PPP1R12B: variants seen among roughly 807,000 people sequenced by gnomAD.
PPP1R12B encodes the protein protein phosphatase 1 regulatory subunit 12B.
A neutral mutation model predicts 126.1 loss-of-function variants in PPP1R12B; 76 were observed. The observed-to-expected ratio is 0.60, with a 90% CI of 0.50 to 0.73. The LOEUF is 0.73. Among genes scored for constraint, PPP1R12B ranks in the 30% least tolerant of loss-of-function variants. PPP1R12B has a pLI of 0.00. For synonymous variants in PPP1R12B, 356 were observed against 434.7 expected (o/e 0.82, Z 2.25); for missense variants, 1,052 against 1,205.1 (o/e 0.87, Z 1.88).
intron 18 of PPP1R12B, among the ~76,000 whole-genome samples, chr1:202,538,208 T>A (rs1684749171): frequency 6.6e-6 from 1 of 152,232 alleles, no homozygotes; most frequent in Non-Finnish European, 1.5e-5. Context: ...TTGGTCAGGC[T>A]GGTCTCAAAC....
At chr1:202,578,800 C>T (rs72748802) in intron 23 of PPP1R12B, among the ~76,000 whole-genome samples, 2 of 152,256 alleles carry the variant, frequency 1.3e-5, no homozygotes, top group Non-Finnish European at 2.9e-5. Flanking sequence ...TACGAAAGTA[C>T]AAAAATGGAA....
At chr1:202,453,980 A>G (rs1048027605) in intron 13 of PPP1R12B, among the ~76,000 whole-genome samples, 6 of 152,222 alleles carry the variant, frequency 3.9e-5, no homozygotes, top group Admixed American at 2.0e-4. Context: ...TTTAGATACT[A>G]TTAGTTTCAC....
At position 202,431,514 on chromosome 1, in the gene PPP1R12B, A is replaced by G. The variant is rs1670176589; in HGVS notation, c.1036A>G (p.Lys346Glu). 2 of 1,612,780 alleles carry G rather than the reference A, an allele frequency of 1.2e-6. No individual in the cohort carries two copies. Among genetic ancestry groups the G allele is most frequent in the Non-Finnish European group, 1.7e-6 (2 of 1,179,442 alleles). ...EKMLYEEETP[K>E]SQEMEEENKE... ...GATGCTCTATGAGGAGGAGACACCT[A>G]AGTCCCAAGAAATGGAGGAAGAAAA... Residue 346 changes from lysine (K) to glutamate (E), a missense_variant, in exon 8 of 24, where the codon AAG (lysine) becomes GAG (glutamate). Physicochemically the swap from Lys to Glu is moderately conservative, Grantham distance 56. Coordinates refer to ENST00000608999, the MANE Select transcript of PPP1R12B (RefSeq NM_002481.4).
intron 10 of PPP1R12B, chr1:202,438,812 C>A: frequency 8.4e-6 from 7 of 834,648 alleles, no homozygotes; most frequent in Non-Finnish European, 1.5e-5. Context: ...ATCTTAGTGT[C>A]TAACTCACGG....
At chr1:202,354,829 G>T (rs867132627) in intron 1 of PPP1R12B, among the ~76,000 whole-genome samples, 43 of 128,774 alleles carry the variant, frequency 3.3e-4, no homozygotes, top group South Asian at 1.1e-3. Flanking sequence ...TTTTTTTGTT[G>T]TTGTTTTTTT....
intron 23 of PPP1R12B, chr1:202,575,305 T>C: frequency 9.8e-7 from 1 of 1,017,750 alleles, no homozygotes; most frequent in Non-Finnish European, 1.4e-6. Flanking sequence ...ACTGAGATCA[T>C]AGAATGGGAC....
chr1:202,480,146 T>G (rs192699231), intron 13 of PPP1R12B, among the ~76,000 whole-genome samples: 2 of 152,228 alleles, frequency 1.3e-5, no homozygotes, highest in African/African-American at 4.8e-5. Flanking sequence ...AGGAAGTAGA[T>G]AAGAAGTAGA....
chr1:202,587,231 T>C lies in PPP1R12B; in HGVS notation c.*6671T>C, dbSNP rs1689870975. 1 of 152,226 alleles carries C rather than the reference T, an allele frequency of 6.6e-6. No homozygotes were observed. Among genetic ancestry groups the C allele is most frequent in the Non-Finnish European group, 1.5e-5 (1 of 68,042 alleles). The allele number at this position is 152,226 out of a possible 1,614,324, so 9.4% of individuals were successfully genotyped here. A position where few individuals can be genotyped will look rare whatever the true frequency, so the allele number is the denominator to read the frequency against. On this transcript the variant is annotated 3_prime_UTR_variant, in exon 24 of 24. Coordinates refer to ENST00000608999, the MANE Select transcript of PPP1R12B (RefSeq NM_002481.4). ...AAGCATACACTTCACTCCTCTCCCTTTCATCTCCCTCTGCATTCTTAATTC... is the reference window on the plus strand; with the variant it reads ...AAGCATACACTTCACTCCTCTCCCTCTCATCTCCCTCTGCATTCTTAATTC...
intron 23 of PPP1R12B, among the ~76,000 whole-genome samples, chr1:202,578,673 G>C (rs1377659044): frequency 6.6e-6 from 1 of 152,188 alleles, no homozygotes; most frequent in Non-Finnish European, 1.5e-5. Flanking sequence ...GTGATTGTAG[G>C]AACACTCAGT....
rs879062955 is a variant in PPP1R12B at position 202,439,369 on chromosome 1, T to C, written c.1459-1337T>C. On this transcript the variant is annotated intron_variant, in intron 10 of 23. Transcript: ENST00000608999. ...AACAAGACGATCCACGCAGAACTCT[T>C]GAAGCTGGTGAAGAAGCACGCGGCA... The C allele has an allele frequency of 9.8e-5, 127 of 1,292,602 alleles. No individual in the cohort carries two copies. In the African/African-American group the frequency reaches 1.5e-3, roughly 15 times the overall value. The allele number at this position is 1,292,602 out of a possible 1,614,324, so 80.1% of individuals were successfully genotyped here.
intron 23 of PPP1R12B, among the ~76,000 whole-genome samples, chr1:202,572,482 G>T (rs748096715): frequency 6.6e-6 from 1 of 152,172 alleles, no homozygotes; most frequent in Non-Finnish European, 1.5e-5. Flanking sequence ...GAGATGTGTT[G>T]TGCCTTTCTG....
At position 202,588,666 on chromosome 1, in the gene PPP1R12B, C is replaced by T. The variant is rs1689967190; in HGVS notation, c.*8106C>T. ...ATCTTATCATTGGTGGGGGCCTCGC[C>T]CACCAGCCTCCTACAACTCCTGTCC... On this transcript the variant is annotated 3_prime_UTR_variant, in exon 24 of 24. Transcript: ENST00000608999. 1 of 152,050 alleles carries T rather than the reference C, an allele frequency of 6.6e-6. No homozygotes were observed. The highest frequency in any genetic ancestry group is 2.4e-5 in the African/African-American group (1 of 41,358). 9.4% of individuals were successfully genotyped at this position (152,050 alleles called of 1,614,324 possible).
intron 9 of PPP1R12B, 43 bp from the exon 10 acceptor site, chr1:202,437,778 C>T: frequency 1.3e-6 from 2 of 1,528,114 alleles, no homozygotes; most frequent in South Asian, 2.4e-5. Context: ...AAAGAATCAT[C>T]AGAGCCTTTA....
intron 13 of PPP1R12B, among the ~76,000 whole-genome samples, chr1:202,472,551 T>C (rs1572180275): frequency 1.3e-5 from 2 of 152,216 alleles, no homozygotes; most frequent in African/African-American, 4.8e-5. Context: ...GAGTGACCTA[T>C]GTAAGTAAAA....
At position 202,416,912 on chromosome 1, in the gene PPP1R12B, A is replaced by G. The variant is rs1367168711; in HGVS notation, c.417A>G (p.Ile139Met). The change falls in exon 2 of 24, where the codon ATA becomes ATG. Residue 139 changes from isoleucine to methionine, a missense_variant. Transcript: ENST00000608999. ...HAAASCGYLNIAEYFINHGAS... is the reference protein window; with the variant it reads ...HAAASCGYLNMAEYFINHGAS... ...CAGCTTCCTGTGGCTATCTCAACAT[A>G]GCAGAGTGAGTGAGTCTCTGTGTGT... 5 of 1,613,602 alleles carry G rather than the reference A, an allele frequency of 3.1e-6. No individual in the cohort carries two copies. Among genetic ancestry groups the G allele is most frequent in the Non-Finnish European group, 3.4e-6 (4 of 1,179,746 alleles).
At chr1:202,371,858 C>CTTTTTTTTTTTTTTTTTTT in intron 1 of PPP1R12B, among the ~76,000 whole-genome samples, 1 of 75,342 alleles carries the variant, frequency 1.3e-5, no homozygotes, top group Non-Finnish European at 2.5e-5. Context: ...ATTATAGTTT[C>CTTTTTTTTTTTTTTTTTTT]TTTTTTTTTT....
chr1:202,354,657 T>C (rs903670499), intron 1 of PPP1R12B, among the ~76,000 whole-genome samples: 3 of 151,616 alleles, frequency 2.0e-5, no homozygotes, highest in East Asian at 2.0e-4. Flanking sequence ...TCCCATTCTT[T>C]TTTTTTTTTG....
chr1:202,381,109 A>T (rs1434066080), intron 1 of PPP1R12B, among the ~76,000 whole-genome samples: 1 of 152,156 alleles, frequency 6.6e-6, no homozygotes. Context: ...CCTTGCACAC[A>T]CACATTCCAT....
intron 18 of PPP1R12B, among the ~76,000 whole-genome samples, chr1:202,503,674 C>T (rs1410019249): frequency 1.3e-5 from 2 of 152,182 alleles, no homozygotes; most frequent in East Asian, 3.8e-4. Flanking sequence ...ACTGAGCAAT[C>T]CTGGTACCTG....
Sources: gnomAD v4.1 joint callset for allele counts (sites outside exome capture counted in the v4.1 genomes callset) on GRCh38, gnomAD v4.1.1 for gene constraint, MANE v1.5 for transcripts, NCBI Gene and HGNC (gene_info 2026-07-23, HGNC 2026-07-21) for gene names.